ADAM12: variants seen among roughly 807,000 people sequenced by gnomAD.
ADAM12 encodes disintegrin and metalloproteinase domain-containing protein 12.
A neutral mutation model predicts 106.4 loss-of-function variants in ADAM12; 70 were observed. The ratio of observed to expected loss-of-function variants is 0.66; its 90% CI spans 0.54 to 0.80. The LOEUF (loss-of-function observed/expected upper bound fraction) is 0.80, where lower values mean the gene tolerates loss of function less well. ADAM12 is among the 30% of genes least tolerant of loss of function. The probability of loss-of-function intolerance (pLI) is 0.00; values close to 1 mark genes in which losing one functional copy is unlikely to be tolerated. For synonymous variants in ADAM12, 420 were observed against 433.5 expected (o/e 0.97, Z 0.39); for missense variants, 1,010 against 1,171.9 (o/e 0.86, Z 2.02).
chr10:126,324,718 T>C (rs182423838), intron 2 of ADAM12, among the ~76,000 whole-genome samples: 2 of 152,234 alleles, frequency 1.3e-5, no homozygotes, highest in Admixed American at 1.3e-4. Context: ...CCTTATCTTC[T>C]AGGGACAATT....
intron 1 of ADAM12, among the ~76,000 whole-genome samples, chr10:126,344,131 C>A (rs1397008219): frequency 6.6e-6 from 1 of 152,098 alleles, no homozygotes; most frequent in Non-Finnish European, 1.5e-5. Context: ...CCTAGGTTTT[C>A]TTCTAGGGTT....
chr10:126,108,447 A>AGGG (rs1348871667), intron 8 of ADAM12, 146 bp downstream of exon 8: 1 of 684,950 alleles, frequency 1.5e-6, no homozygotes, highest in African/African-American at 1.8e-5. Flanking sequence ...GGACCCAGGA[A>AGGG]TTACACACTC....
chr10:126,175,798 C>T (rs989281180), intron 3 of ADAM12, among the ~76,000 whole-genome samples: 1 of 152,204 alleles, frequency 6.6e-6, no homozygotes, highest in African/African-American at 2.4e-5. Flanking sequence ...GGTGGCTGCC[C>T]TGCAAGCTGC....
At chr10:126,101,543 A>C (rs1221587442) in intron 8 of ADAM12, among the ~76,000 whole-genome samples, 3 of 152,248 alleles carry the variant, frequency 2.0e-5, no homozygotes, top group Admixed American at 6.5e-5. Context: ...GTGATTTAAA[A>C]TGTACATACA....
At chr10:126,252,961 G>A (rs1412706416) in intron 3 of ADAM12, among the ~76,000 whole-genome samples, 1 of 151,994 alleles carries the variant, frequency 6.6e-6, no homozygotes, top group Non-Finnish European at 1.5e-5. Flanking sequence ...GTCTTCTTTG[G>A]AATTTCTCTG....
intron 3 of ADAM12, among the ~76,000 whole-genome samples, chr10:126,165,459 G>C (rs955400757): frequency 4.6e-5 from 7 of 152,206 alleles, no homozygotes; most frequent in African/African-American, 1.4e-4. Context: ...GCCCAGCCGG[G>C]GGCATTCGCT....
At chr10:126,361,718 A>C (rs1281439192) in intron 1 of ADAM12, among the ~76,000 whole-genome samples, 1 of 152,216 alleles carries the variant, frequency 6.6e-6, no homozygotes, top group South Asian at 2.1e-4. Context: ...TGGTGTTGGA[A>C]AAACTGGATA....
At chr10:126,199,079 G>A (rs1041637146) in intron 3 of ADAM12, among the ~76,000 whole-genome samples, 3 of 152,080 alleles carry the variant, frequency 2.0e-5, no homozygotes, top group African/African-American at 7.2e-5. Context: ...CTAGGAATAA[G>A]GAATTTAAGT....
chr10:126,030,411 G>T (rs989932627), intron 21 of ADAM12, among the ~76,000 whole-genome samples: 2 of 152,290 alleles, frequency 1.3e-5, no homozygotes, highest in South Asian at 4.1e-4. Context: ...TAACAGTGAC[G>T]ATTGCTTCTG....
chr10:126,156,799 C>T (rs1305404645), intron 3 of ADAM12, among the ~76,000 whole-genome samples: 1 of 152,192 alleles, frequency 6.6e-6, no homozygotes, highest in Non-Finnish European at 1.5e-5. Context: ...GAAATCCTGG[C>T]AGATAATGTC....
At chr10:126,325,478 G>A (rs978753605) in intron 2 of ADAM12, among the ~76,000 whole-genome samples, 1 of 152,262 alleles carries the variant, frequency 6.6e-6, no homozygotes, top group African/African-American at 2.4e-5. Flanking sequence ...AAATGGAAAT[G>A]TATGGAGTAG....
intron 2 of ADAM12, among the ~76,000 whole-genome samples, chr10:126,304,670 T>C (rs560458974): frequency 2.0e-5 from 3 of 152,126 alleles, no homozygotes; most frequent in South Asian, 2.1e-4. Flanking sequence ...TAAGAAAATA[T>C]AAAGTTAAGC....
chr10:126,092,607 T>C (rs1375201176), intron 11 of ADAM12, among the ~76,000 whole-genome samples: 1 of 152,226 alleles, frequency 6.6e-6, no homozygotes, highest in Non-Finnish European at 1.5e-5. Context: ...GGTTAGTACT[T>C]TGACTTTGTG....
intron 6 of ADAM12, 53 bp downstream of exon 6, chr10:126,117,985 C>A: frequency 6.3e-7 from 1 of 1,585,308 alleles, no homozygotes; most frequent in Non-Finnish European, 8.7e-7. Context: ...GTGGGGTATC[C>A]GTAGCTTGAG....
At chr10:126,365,055 T>G (rs2133909911) in intron 1 of ADAM12, among the ~76,000 whole-genome samples, 1 of 152,308 alleles carries the variant, frequency 6.6e-6, no homozygotes, top group South Asian at 2.1e-4. Context: ...CTTTGCCATA[T>G]GTTAAGGGAT....
chr10:126,109,228 C>G (rs1209327143), intron 7 of ADAM12, among the ~76,000 whole-genome samples: 2 of 152,028 alleles, frequency 1.3e-5, no homozygotes, highest in Non-Finnish European at 2.9e-5. Flanking sequence ...AAATATCACC[C>G]AATCACCCAA....
At chr10:126,332,903 A>G (rs1854571713) in intron 1 of ADAM12, among the ~76,000 whole-genome samples, 1 of 152,208 alleles carries the variant, frequency 6.6e-6, no homozygotes. Context: ...TGATCCAGCT[A>G]TACAGCTCCT....
At chr10:126,364,854 C>A (rs1279538812) in intron 1 of ADAM12, among the ~76,000 whole-genome samples, 1 of 152,082 alleles carries the variant, frequency 6.6e-6, no homozygotes, top group Admixed American at 6.6e-5. Flanking sequence ...CCACCTTTGT[C>A]CTTGTTTTAG....
intron 10 of ADAM12, among the ~76,000 whole-genome samples, chr10:126,094,994 G>A (rs1955529768): frequency 6.6e-6 from 1 of 152,098 alleles, no homozygotes; most frequent in African/African-American, 2.4e-5. Context: ...ACTGAAATTA[G>A]TTAATTAGCA....
Sources: allele counts gnomAD v4.1 joint callset (sites outside exome capture counted in the v4.1 genomes callset), GRCh38; gene constraint gnomAD v4.1.1; transcripts MANE v1.5; gene names NCBI Gene and HGNC (gene_info 2026-07-23, HGNC 2026-07-21).